EXOC6B: variants seen among roughly 807,000 people sequenced by gnomAD.
EXOC6B encodes the protein exocyst complex component 6B.
EXOC6B carries 54 observed loss-of-function variants against 113.5 expected under a neutral mutation model. The observed-to-expected ratio is 0.48, with a 90% CI of 0.38 to 0.60. The LOEUF is 0.60. EXOC6B is among the 20% of genes least tolerant of loss of function. EXOC6B has a pLI of 0.00. For missense variants in EXOC6B, 797 were observed against 977.5 expected, an observed-to-expected ratio of 0.82 and a Z score of 2.46; for synonymous variants, 357 against 339.0, an observed-to-expected ratio of 1.05 and a Z score of -0.58.
chr2:72,424,738 T>G (rs984169221), intron 18 of EXOC6B, among the ~76,000 whole-genome samples: 3 of 152,170 alleles, frequency 2.0e-5, no homozygotes, highest in Non-Finnish European at 4.4e-5. Flanking sequence ...ACTCCTGTGA[T>G]CAAACAATTA....
chr2:72,407,970 C>T lies in EXOC6B; in HGVS notation c.1981-28100G>A, dbSNP rs1010548205. On this transcript the variant is annotated intron_variant, in intron 18 of 21. Coordinates refer to ENST00000272427, the MANE Select transcript of EXOC6B (RefSeq NM_015189.3). ...TGATTGTATATCTAGAAAACCCCATCGTCTCAGCCCAAAATCTCCTTAAGC... is the reference window on the plus strand; with the variant it reads ...TGATTGTATATCTAGAAAACCCCATTGTCTCAGCCCAAAATCTCCTTAAGC... 2.9e-3 allele frequency among the ~76,000 whole-genome samples: 443 copies of T among 152,224 alleles called. 1 individual carries two copies. The highest frequency in any genetic ancestry group is 4.6e-3 in the Non-Finnish European group (314 of 68,006).
At chr2:72,283,081 C>CTTT (rs1558519630) in intron 20 of EXOC6B, among the ~76,000 whole-genome samples, 4 of 152,132 alleles carry the variant, frequency 2.6e-5, no homozygotes, top group African/African-American at 9.6e-5. Context: ...CTATAGAACA[C>CTTT]TACACCCAAT....
intron 19 of EXOC6B, among the ~76,000 whole-genome samples, chr2:72,356,798 A>G (rs1400439479): frequency 6.6e-6 from 1 of 152,088 alleles, no homozygotes; most frequent in Non-Finnish European, 1.5e-5. Context: ...GGTTTCAGTC[A>G]TCTATGGTCA....
intron 6 of EXOC6B, among the ~76,000 whole-genome samples, chr2:72,691,785 G>A (rs541758393): frequency 4.6e-5 from 7 of 150,748 alleles, no homozygotes; most frequent in South Asian, 4.2e-4. Context: ...CAGTTCAAAC[G>A]ATTCTCCTGC....
At chr2:72,580,080 C>T (rs1208301367) in intron 6 of EXOC6B, among the ~76,000 whole-genome samples, 5 of 146,444 alleles carry the variant, frequency 3.4e-5, no homozygotes, top group South Asian at 4.3e-4. Flanking sequence ...ACAACAACAA[C>T]GAAAAACAAA....
chr2:72,401,169 T>C (rs1693124530), intron 18 of EXOC6B, among the ~76,000 whole-genome samples: 1 of 150,814 alleles, frequency 6.6e-6, no homozygotes, highest in Non-Finnish European at 1.5e-5. Context: ...TATAAGAAAA[T>C]GTTATATATG....
intron 1 of EXOC6B, among the ~76,000 whole-genome samples, chr2:72,814,808 G>A (rs1686130128): frequency 6.6e-6 from 1 of 152,040 alleles, no homozygotes; most frequent in South Asian, 2.1e-4. Flanking sequence ...TGGCTAACAC[G>A]GTGAAACCCC....
rs1399272616 is a variant in EXOC6B at position 72,178,474 on chromosome 2, T to C, written c.*861A>G. 6.6e-6 allele frequency: 1 copy of C among 151,984 alleles called. No individual in the cohort carries two copies. The highest frequency in any genetic ancestry group is 6.5e-5 in the Admixed American group (1 of 15,270). The allele number at this position is 151,984 out of a possible 1,614,324, so 9.4% of individuals were successfully genotyped here. On this transcript the variant is annotated 3_prime_UTR_variant, in exon 22 of 22. Coordinates refer to ENST00000272427, the MANE Select transcript of EXOC6B (RefSeq NM_015189.3). ...AACGCCCTGTGAAGGCCTATGGAAG[T>C]AACTGTTGATTTATGTCCTGAACCA... is the stretch of plus-strand genomic sequence containing the variant.
chr2:72,365,210 C>T (rs943770851), intron 19 of EXOC6B, among the ~76,000 whole-genome samples: 1 of 151,582 alleles, frequency 6.6e-6, no homozygotes, highest in African/African-American at 2.4e-5. Flanking sequence ...CTTTTTTCCC[C>T]ACCATTTTCC....
intron 12 of EXOC6B, among the ~76,000 whole-genome samples, chr2:72,499,511 G>A (rs1361001094): frequency 6.6e-6 from 1 of 151,358 alleles, no homozygotes; most frequent in Non-Finnish European, 1.5e-5. Flanking sequence ...AATAACAGGC[G>A]TGAGGTACTG....
At chr2:72,527,430 G>A (rs2105741252) in intron 8 of EXOC6B, among the ~76,000 whole-genome samples, 1 of 151,978 alleles carries the variant, frequency 6.6e-6, no homozygotes, top group Admixed American at 6.5e-5. Flanking sequence ...TGTACCACAG[G>A]TATTTAACAA....
At chr2:72,360,215 G>A (rs1269411979) in intron 19 of EXOC6B, among the ~76,000 whole-genome samples, 1 of 150,930 alleles carries the variant, frequency 6.6e-6, no homozygotes, top group East Asian at 1.9e-4. Context: ...AGCCTCCCAC[G>A]TAGCTGGGAC....
intron 20 of EXOC6B, among the ~76,000 whole-genome samples, chr2:72,268,164 G>A (rs1245203071): frequency 2.6e-5 from 4 of 152,158 alleles, no homozygotes; most frequent in African/African-American, 4.8e-5. Context: ...AGGCTAGCGT[G>A]CAGTGGCATG....
At chr2:72,679,211 C>T (rs1347706257) in intron 6 of EXOC6B, among the ~76,000 whole-genome samples, 2 of 152,102 alleles carry the variant, frequency 1.3e-5, no homozygotes, top group African/African-American at 2.4e-5. Flanking sequence ...GGATTACAGG[C>T]ACATGCCACC....
chr2:72,288,100 T>A (rs1222300492), intron 20 of EXOC6B, among the ~76,000 whole-genome samples: 1 of 152,132 alleles, frequency 6.6e-6, no homozygotes, highest in Non-Finnish European at 1.5e-5. Context: ...ATCATTAGTA[T>A]TAGGGAAATA....
intron 11 of EXOC6B, among the ~76,000 whole-genome samples, chr2:72,501,539 C>T (rs1334270605): frequency 6.6e-6 from 1 of 151,992 alleles, no homozygotes; most frequent in African/African-American, 2.4e-5. Context: ...ATTGATAAAC[C>T]TGGGATTACT....
At chr2:72,348,262 C>T (rs976706544) in intron 19 of EXOC6B, among the ~76,000 whole-genome samples, 10 of 152,150 alleles carry the variant, frequency 6.6e-5, no homozygotes, top group Admixed American at 5.9e-4. Flanking sequence ...AAAGTCCCCA[C>T]CTCCTAATAT....
At chr2:72,743,962 T>C (rs1214879997) in intron 1 of EXOC6B, among the ~76,000 whole-genome samples, 1 of 152,148 alleles carries the variant, frequency 6.6e-6, no homozygotes, top group Non-Finnish European at 1.5e-5. Flanking sequence ...ACATATATAA[T>C]GGTGGTCCCA....
chr2:72,650,657 G>T (rs1022037354), intron 6 of EXOC6B, among the ~76,000 whole-genome samples: 11 of 151,504 alleles, frequency 7.3e-5, no homozygotes, highest in African/African-American at 2.7e-4. Context: ...GAAAAGAAAA[G>T]AGGTAAAAGA....
Sources: gnomAD v4.1 joint callset for allele counts (sites outside exome capture counted in the v4.1 genomes callset) on GRCh38, gnomAD v4.1.1 for gene constraint, MANE v1.5 for transcripts, NCBI Gene and HGNC (gene_info 2026-07-23, HGNC 2026-07-21) for gene names.